DDR1: variants seen among roughly 807,000 people sequenced by gnomAD.
The protein encoded by DDR1 is epithelial discoidin domain-containing receptor 1.
DDR1 carries 64 observed loss-of-function variants against 97.4 expected under a neutral mutation model. The ratio of observed to expected loss-of-function variants is 0.66; its 90% confidence interval spans 0.54 to 0.81. The LOEUF is 0.81. DDR1 is among the 30% of genes least tolerant of loss of function. The probability of loss-of-function intolerance (pLI) is 0.00; values close to 1 mark genes in which losing one functional copy is unlikely to be tolerated. For synonymous variants in DDR1, 458 were observed against 503.7 expected, an observed-to-expected ratio of 0.91 and a Z score of 1.21; for missense variants, 990 against 1,259.6, an observed-to-expected ratio of 0.79 and a Z score of 3.24.
Position 30,891,976 on chromosome 6 carries a change from C to T in DDR1, c.666-26C>T, listed in dbSNP as rs1788571112. On this transcript the variant is annotated intron_variant, in intron 6 of 17. Transcript: ENST00000376568. This position sits in a 1 kb window ranked among gnomAD's most constrained non-coding sequence, Gnocchi z 5.3. Reference sequence around the variant, plus strand: ...CAAGACCCTCTTCCCTTCCAACCTCCTCTTCCTTGGTCCCCTCTTCTCCAG... The same window carrying T: ...CAAGACCCTCTTCCCTTCCAACCTCTTCTTCCTTGGTCCCCTCTTCTCCAG... 5 of 1,612,334 alleles carry T rather than the reference C, an allele frequency of 3.1e-6. No homozygotes were observed. The highest frequency in any genetic ancestry group is 4.2e-6 in the Non-Finnish European group (5 of 1,179,016).
rs1786646269 is a variant in DDR1 at position 30,888,285 on chromosome 6, A to G, written c.-42-403A>G. On this transcript the variant is annotated intron_variant, in intron 1 of 17. Transcript: ENST00000376568. The surrounding 1 kb of genome is among the most constrained non-coding windows in gnomAD (Gnocchi z 4.2). ...GGCCTTAGTTTATTGTAGTTATTAAACCTTTTCCTGTTGTATGTGTTATAA... is the reference window on the plus strand; with the variant it reads ...GGCCTTAGTTTATTGTAGTTATTAAGCCTTTTCCTGTTGTATGTGTTATAA... 1 of 169,090 alleles carries G rather than the reference A, an allele frequency of 5.9e-6. No individual in the cohort carries two copies. Among genetic ancestry groups the G allele is most frequent in the Non-Finnish European group, 1.3e-5 (1 of 79,830 alleles). The allele number at this position is 169,090 out of a possible 1,614,324, so 10.5% of individuals were successfully genotyped here. A position where few individuals can be genotyped will look rare whatever the true frequency, so the allele number is the denominator to read the frequency against.
chr6:30,898,483 G>C (rs1049630616), intron 16 of DDR1, among the ~76,000 whole-genome samples, 176 bp downstream of exon 16: 10 of 152,258 alleles, frequency 6.6e-5, no homozygotes, highest in African/African-American at 2.4e-4. Context: ...GAGCTGCAGT[G>C]TGATGGGCAA....
At chr6:30,887,473 C>T (rs1428523385) in intron 1 of DDR1, among the ~76,000 whole-genome samples, 5 of 152,130 alleles carry the variant, frequency 3.3e-5, no homozygotes, top group Non-Finnish European at 4.4e-5. Context: ...TCCTTCTAGA[C>T]GTACACACAG....
chr6:30,895,607 A>G lies in DDR1; in HGVS notation c.1624+93A>G, dbSNP rs572186434. On this transcript the variant is annotated intron_variant, in intron 12 of 17. Transcript: ENST00000376568. ...ACACCTTGCACTTCCTCCTCTCCCC[A>G]CTGTGGCCTATTCTGCTCTCCTGAG... 11 of 772,562 alleles carry G rather than the reference A, an allele frequency of 1.4e-5. No homozygotes were observed. The African/African-American group carries it at 1.9e-4, about 14-fold the overall frequency. The allele number at this position is 772,562 out of a possible 1,614,324, so 47.9% of individuals were successfully genotyped here.
chr6:30,889,248 G>A lies in DDR1; in HGVS notation c.235G>A (p.Val79Met), dbSNP rs764833803. The A allele has an allele frequency of 6.2e-7, 1 of 1,613,092 alleles. No individual in the cohort carries two copies. Among genetic ancestry groups the A allele is most frequent in the South Asian group, 1.1e-5 (1 of 91,088 alleles). The change falls in exon 4 of 18, where the codon GTG becomes ATG. Residue 79 changes from valine (V) to methionine (M), a missense_variant. Transcript: ENST00000376568. This position sits in a 1 kb window ranked among gnomAD's most constrained non-coding sequence, Gnocchi z 4.9. ...GDGAWCPAGS[V>M]FPKEEEYLQV... ...TGGGGCCTGGTGCCCCGCAGGGTCG[G>A]TGTTTCCCAAGGAGGAGGAGTACTT...
In DDR1 at chr6:30,898,221, C is replaced by T. The variant is rs763938597; in HGVS notation, c.2365C>T (p.Arg789Trp). The T allele has an allele frequency of 1.8e-5, 29 of 1,614,110 alleles. No homozygotes were observed. The highest frequency in any genetic ancestry group is 2.2e-5 in the Non-Finnish European group (26 of 1,180,050). The stretch of plus-strand genomic sequence containing the variant: ...CAAAATCGCAGACTTTGGCATGAGC[C>T]GGAACCTCTATGCTGGGGACTATTA... ...TIKIADFGMSRNLYAGDYYRV... is the reference protein window; with the variant it reads ...TIKIADFGMSWNLYAGDYYRV... Residue 789 changes from arginine (R) to tryptophan (W), a missense_variant, in exon 16 of 18, where the codon CGG becomes TGG. Physicochemically the swap from Arg to Trp is moderately radical, Grantham distance 101. Transcript: ENST00000376568.
upstream of DDR1, among the ~76,000 whole-genome samples, chr6:30,882,407 T>G (rs2150192703): frequency 6.6e-6 from 1 of 152,222 alleles, no homozygotes; most frequent in Admixed American, 6.5e-5. This position sits in a 1 kb window ranked among gnomAD's most constrained non-coding sequence, Gnocchi z 4.8. Flanking sequence ...ATGCAGGAGA[T>G]GTGGAATGGG....
At chr6:30,896,535 C>T (rs1385700511) in intron 12 of DDR1, 86 bp from the exon 13 acceptor site, 6 of 1,502,970 alleles carry the variant, frequency 4.0e-6, no homozygotes, top group African/African-American at 1.4e-5. Context: ...GACACAGGGC[C>T]CTCCGGGAGG....
At position 30,896,707 on chromosome 6, in the gene DDR1, G is replaced by A. The variant is rs752917703; in HGVS notation, c.1711G>A (p.Glu571Lys). 11 of 1,607,670 alleles carry A rather than the reference G, an allele frequency of 6.8e-6. No individual in the cohort carries two copies. The highest frequency in any genetic ancestry group is 2.7e-5 in the African/African-American group (2 of 74,720). Residue 571 changes from glutamate to lysine, a missense_variant, in exon 13 of 18, where the codon GAG becomes AAG. By Grantham distance (56) the Glu-to-Lys change is moderately conservative. Coordinates refer to ENST00000376568, the MANE Select transcript of DDR1 (RefSeq NM_001297654.2). ...PPQNSVPHYAEADIVTLQGVT... is the reference protein window; with the variant it reads ...PPQNSVPHYAKADIVTLQGVT... ...CCAGAACAGCGTCCCCCATTATGCC[G>A]AGGCTGACATTGTTACCCTGCAGGG...
chr6:30,897,670 C>A lies in DDR1; in HGVS notation c.2216+73C>A. On this transcript the variant is annotated intron_variant, in intron 15 of 17. Coordinates refer to ENST00000376568, the MANE Select transcript of DDR1 (RefSeq NM_001297654.2). This position sits in a 1 kb window ranked among gnomAD's most constrained non-coding sequence, Gnocchi z 5.2. ...TCTCCTCCTCTCCCCTCGCTTCAGC[C>A]TGGAGGAAAAGAGGGGAGCGTGGGG... The A allele has an allele frequency of 7.6e-7, 1 of 1,315,348 alleles. No individual in the cohort carries two copies. Among genetic ancestry groups the A allele is most frequent in the South Asian group, 1.3e-5 (1 of 77,276 alleles). The allele number at this position is 1,315,348 out of a possible 1,614,324, so 81.5% of individuals were successfully genotyped here. A position where few individuals can be genotyped will look rare whatever the true frequency, so the allele number is the denominator to read the frequency against.
chr6:30,887,426 TA>T (rs1271008711), intron 1 of DDR1, among the ~76,000 whole-genome samples: 1 of 152,266 alleles, frequency 6.6e-6, no homozygotes, highest in African/African-American at 2.4e-5. Flanking sequence ...ACTCTTGTTA[TA>T]TTGTATTCTA....
upstream of DDR1, chr6:30,882,484 T>C (rs1235861079): frequency 6.6e-6 from 1 of 152,328 alleles, no homozygotes; most frequent in Non-Finnish European, 1.5e-5. The surrounding 1 kb of genome is among the most constrained non-coding windows in gnomAD (Gnocchi z 4.8). Context: ...GGCCCCAGGA[T>C]GGCTGGGATT....
Position 30,891,556 on chromosome 6 carries a change from T to TGA in DDR1, c.665+81_665+82dup. On this transcript the variant is annotated intron_variant, in intron 6 of 17. Coordinates refer to ENST00000376568, the MANE Select transcript of DDR1 (RefSeq NM_001297654.2). The surrounding 1 kb of genome is among the most constrained non-coding windows in gnomAD (Gnocchi z 5.3). The stretch of plus-strand genomic sequence containing the variant: ...GTGTGTGTGTGTGTGTGTGTGTGTG[T>TGA]GAGAGTGTGTGTGTGTAGGGGGGCT... 1 of 885,440 alleles carries TGA rather than the reference T, an allele frequency of 1.1e-6. No individual in the cohort carries two copies. The highest frequency in any genetic ancestry group is 1.7e-6 in the Non-Finnish European group (1 of 571,882). 54.8% of individuals were successfully genotyped at this position (885,440 alleles called of 1,614,324 possible).
Position 30,899,376 on chromosome 6 carries a change from C to A in DDR1, c.*80C>A. ...ACTAAAACAAGAGGACACAATGGCA[C>A]CTCTGCCCTTCCCCTCCCGACAGCC... On this transcript the variant is annotated 3_prime_UTR_variant, in exon 18 of 18. Transcript: ENST00000376568. 6.6e-7 allele frequency: 1 copy of A among 1,517,720 alleles called. No individual in the cohort carries two copies. Among genetic ancestry groups the A allele is most frequent in the Non-Finnish European group, 8.9e-7 (1 of 1,127,048 alleles). 94.0% of individuals were successfully genotyped at this position (1,517,720 alleles called of 1,614,324 possible).
rs751312505 is a variant in DDR1 at position 30,888,663 on chromosome 6, G to A, written c.-42-25G>A. 8.1e-6 allele frequency: 13 copies of A among 1,595,112 alleles called. No individual in the cohort carries two copies. The highest frequency in any genetic ancestry group is 5.6e-5 in the South Asian group (5 of 88,680). On this transcript the variant is annotated intron_variant, in intron 1 of 17. Transcript: ENST00000376568. The surrounding 1 kb of genome is among the most constrained non-coding windows in gnomAD (Gnocchi z 4.2). ...TGACTCAGTCCCCTGATTAACTTAC[G>A]CACCACCCATTTTATCCCCTGCAGA...
At position 30,896,670 on chromosome 6, in the gene DDR1, G is replaced by T. The variant is rs772571215; in HGVS notation, c.1674G>T (p.Leu558=). The change falls in exon 13 of 18, where the codon CTG becomes CTT. Residue 558 remains leucine, a synonymous_variant. Coordinates refer to ENST00000376568, the MANE Select transcript of DDR1 (RefSeq NM_001297654.2). ...MEPEKPGAPL[L]PPPPQNSVPH... ...CTGAGAAGCCAGGCGCCCCGCTTCT[G>T]CCCCCACCTCCCCAGAACAGCGTCC... 4 of 1,613,144 alleles carry T rather than the reference G, an allele frequency of 2.5e-6. No individual in the cohort carries two copies. In the African/African-American group the frequency reaches 4.0e-5, roughly 16 times the overall value.
chr6:30,884,878 T>C lies in DDR1; in HGVS notation c.-43+168T>C, dbSNP rs574995888. 11 of 353,308 alleles carry C rather than the reference T, an allele frequency of 3.1e-5. No individual in the cohort carries two copies. The highest frequency in any genetic ancestry group is 8.5e-5 in the East Asian group (2 of 23,510). 21.9% of individuals were successfully genotyped at this position (353,308 alleles called of 1,614,324 possible). On this transcript the variant is annotated intron_variant, in intron 1 of 17. Coordinates refer to ENST00000376568, the MANE Select transcript of DDR1 (RefSeq NM_001297654.2). This position sits in a 1 kb window ranked among gnomAD's most constrained non-coding sequence, Gnocchi z 6.1. ...TGCCCGCCTCCCCGATGCTCTGGCA[T>C]ACCGTCTGAAAACCGGGGGCGGGGA...
rs763224364 is a variant in DDR1, at chr6:30,896,847, C to T, written c.1851C>T (p.Gly617=). 9 of 1,583,888 alleles carry T rather than the reference C, an allele frequency of 5.7e-6. No individual in the cohort carries two copies. Among genetic ancestry groups the T allele is most frequent in the Middle Eastern group, 1.7e-4 (1 of 5,948 alleles). ...GACTCCGCTTCAAGGAGAAGCTTGG[C>T]GAGGGCCAGTTTGGGGAGGTAAGGA... ...RSRLRFKEKL[G]EGQFGEVHLC... is the part of the protein sequence containing the mutation. The change falls in exon 13 of 18, where the codon GGC becomes GGT. Residue 617 remains glycine (G), a synonymous_variant. Transcript: ENST00000376568.
Position 30,898,110 on chromosome 6 carries a change from T to G in DDR1, c.2254T>G (p.Ser752Ala). 1.9e-6 allele frequency: 3 copies of G among 1,614,240 alleles called. No homozygotes were observed. Among genetic ancestry groups the G allele is most frequent in the South Asian group, 2.2e-5 (2 of 91,086 alleles). The stretch of plus-strand genomic sequence containing the variant: ...GCTGCATGTGGCAGCCCAGATCGCC[T>G]CCGGCATGCGCTATCTGGCCACACT... ...MLLHVAAQIASGMRYLATLNF... is the reference protein window; with the variant it reads ...MLLHVAAQIAAGMRYLATLNF... Residue 752 changes from serine to alanine, a missense_variant, in exon 16 of 18, where the codon TCC (serine) becomes GCC (alanine). By Grantham distance (99) the Ser-to-Ala change is moderately conservative. Transcript: ENST00000376568.
Sources: gnomAD v4.1 joint callset for allele counts (sites outside exome capture counted in the v4.1 genomes callset) on GRCh38, gnomAD v4.1.1 for gene constraint, Gnocchi (gnomAD v3.1) non-coding constraint, MANE v1.5 for transcripts, NCBI Gene and HGNC (gene_info 2026-07-23, HGNC 2026-07-21) for gene names.